Variants in TNFAIP8 observed in about 807,000 individuals in gnomAD.
TNFAIP8 encodes TNF alpha induced protein 8, also known as tumor necrosis factor alpha-induced protein 8.
TNFAIP8 carries 7 observed loss-of-function variants against 13.3 expected under a neutral mutation model. The ratio of observed to expected loss-of-function variants is 0.52; its 90% confidence interval spans 0.30 to 0.99. The LOEUF is 0.99. Among genes scored for constraint, TNFAIP8 ranks in the 50% least tolerant of loss-of-function variants. The probability of loss-of-function intolerance (pLI) is 0.07; values close to 1 mark genes in which losing one functional copy is unlikely to be tolerated. For synonymous variants in TNFAIP8, 94 were observed against 87.6 expected (o/e 1.07, Z -0.41); for missense variants, 258 against 236.9 (o/e 1.09, Z -0.58).
intron 1 of TNFAIP8, among the ~76,000 whole-genome samples, chr5:119,272,045 A>G (rs1404948777): frequency 1.3e-5 from 2 of 152,224 alleles, no homozygotes; most frequent in South Asian, 4.1e-4. Context: ...GTAGAGGGTA[A>G]AAAACAAAAA....
Position 119,278,390 on chromosome 5 carries a change from T to A in TNFAIP8, c.1+9483T>A, listed in dbSNP as rs879694790. Among the ~76,000 whole-genome samples, 638 of 147,368 alleles carry A rather than the reference T, an allele frequency of 4.3e-3. 5 individuals carry two copies. The highest frequency in any genetic ancestry group is 6.5e-3 in the African/African-American group (250 of 38,420). ...GAGAGAGAGAGAGTGTGTGTGTGTG[T>A]GTGTGTGTGTGTGTGTGTGTGTGTG... On this transcript the variant is annotated intron_variant, in intron 1 of 1. Coordinates refer to the TNFAIP8 transcript ENST00000274456.
chr5:119,289,058 T>A (rs1327772750), intron 1 of TNFAIP8, among the ~76,000 whole-genome samples: 1 of 152,226 alleles, frequency 6.6e-6, no homozygotes, highest in Admixed American at 6.5e-5. Context: ...ATTTTGCTAT[T>A]TCTTTCATCA....
intron 1 of TNFAIP8, among the ~76,000 whole-genome samples, chr5:119,323,870 G>A (rs1238618973): frequency 6.6e-6 from 1 of 152,140 alleles, no homozygotes; most frequent in Non-Finnish European, 1.5e-5. Flanking sequence ...GAGACTTGTT[G>A]AGACTTGTCT....
chr5:119,377,844 T>C (rs1168747158), intron 1 of TNFAIP8, among the ~76,000 whole-genome samples: 1 of 151,910 alleles, frequency 6.6e-6, no homozygotes, highest in Non-Finnish European at 1.5e-5. Flanking sequence ...CCAGTAGGAG[T>C]TGTTCCACTG....
intron 1 of TNFAIP8, among the ~76,000 whole-genome samples, chr5:119,300,985 A>C (rs1749372676): frequency 6.6e-6 from 1 of 152,184 alleles, no homozygotes; most frequent in African/African-American, 2.4e-5. Flanking sequence ...AAGCATTACA[A>C]GTGGGCCCCA....
intron 1 of TNFAIP8, among the ~76,000 whole-genome samples, chr5:119,340,054 T>C (rs944041099): frequency 6.6e-5 from 10 of 152,258 alleles, no homozygotes; most frequent in African/African-American, 2.4e-4. Context: ...TGGGGCAACA[T>C]TCAGAAGGCT....
intron 1 of TNFAIP8, among the ~76,000 whole-genome samples, chr5:119,287,529 G>A (rs754041346): frequency 1.3e-5 from 2 of 151,956 alleles, no homozygotes; most frequent in South Asian, 2.1e-4. Context: ...TATAGTCGCC[G>A]TGCTGTATAT....
chr5:119,392,547 C>T (rs992431985), intron 1 of TNFAIP8, among the ~76,000 whole-genome samples: 26 of 152,018 alleles, frequency 1.7e-4, no homozygotes, highest in African/African-American at 5.3e-4. Flanking sequence ...CCCACCACCA[C>T]GCCCATGTAG....
upstream of TNFAIP8, chr5:119,355,216 T>G: frequency 1.5e-6 from 1 of 687,028 alleles, no homozygotes; most frequent in Non-Finnish European, 2.6e-6. Context: ...TTTGGCATTT[T>G]GAAGGAATTC....
intron 1 of TNFAIP8, among the ~76,000 whole-genome samples, chr5:119,302,853 T>G (rs1749439221): frequency 6.6e-6 from 1 of 152,246 alleles, no homozygotes; most frequent in African/African-American, 2.4e-5. Flanking sequence ...TCTGCCCTAA[T>G]TTTGCATCAT....
intron 1 of TNFAIP8, among the ~76,000 whole-genome samples, chr5:119,305,038 T>C (rs1331030335): frequency 6.6e-6 from 1 of 152,162 alleles, no homozygotes; most frequent in African/African-American, 2.4e-5. Context: ...GAGGTGAACG[T>C]CAATCTGTAA....
intron 1 of TNFAIP8, among the ~76,000 whole-genome samples, chr5:119,296,769 G>A (rs1332747842): frequency 6.6e-6 from 1 of 151,918 alleles, no homozygotes; most frequent in Admixed American, 6.6e-5. Context: ...ACTCTTTTTG[G>A]TTGGTAAGCT....
upstream of TNFAIP8, chr5:119,354,543 G>GT (rs1751309340): frequency 6.6e-6 from 1 of 152,066 alleles, no homozygotes; most frequent in Non-Finnish European, 1.5e-5. Flanking sequence ...AAACCCAAGA[G>GT]TATGTTTTAT....
chr5:119,334,765 C>T (rs1750497779), intron 1 of TNFAIP8, among the ~76,000 whole-genome samples: 2 of 151,844 alleles, frequency 1.3e-5, no homozygotes, highest in South Asian at 2.1e-4. Flanking sequence ...CAGAGTGAGA[C>T]TCCGTCTCAA....
At chr5:119,274,309 C>A (rs1298093245) in intron 1 of TNFAIP8, among the ~76,000 whole-genome samples, 1 of 152,254 alleles carries the variant, frequency 6.6e-6, no homozygotes, top group East Asian at 1.9e-4. Context: ...CTCATTCCAT[C>A]ATTCTGTGGT....
chr5:119,279,089 G>A (rs577846185), intron 1 of TNFAIP8, among the ~76,000 whole-genome samples: 1 of 152,314 alleles, frequency 6.6e-6, no homozygotes, highest in South Asian at 2.1e-4. Context: ...ACTGTGCTGA[G>A]TGCTTTATAC....
chr5:119,377,094 C>T (rs1215361972), intron 1 of TNFAIP8, among the ~76,000 whole-genome samples: 1 of 152,098 alleles, frequency 6.6e-6, no homozygotes. Context: ...ATAACAGTTG[C>T]TTAATAAAAT....
At chr5:119,278,384 TG>T (rs1748525546) in intron 1 of TNFAIP8, among the ~76,000 whole-genome samples, 1 of 118,518 alleles carries the variant, frequency 8.4e-6, no homozygotes, top group Non-Finnish European at 1.7e-5. Context: ...AGAGTGTGTG[TG>T]TGTGTGTGTG....
At chr5:119,382,824 G>A (rs764302555) in intron 1 of TNFAIP8, among the ~76,000 whole-genome samples, 1 of 152,156 alleles carries the variant, frequency 6.6e-6, no homozygotes, top group African/African-American at 2.4e-5. Flanking sequence ...TGCCTGTCTT[G>A]TACTCCCCTA....
Sources: allele counts gnomAD v4.1 joint callset (sites outside exome capture counted in the v4.1 genomes callset), GRCh38; gene constraint gnomAD v4.1.1; transcripts MANE v1.5; gene names NCBI Gene and HGNC (gene_info 2026-07-23, HGNC 2026-07-21).